METTL15: variants seen among roughly 807,000 people sequenced by gnomAD.
METTL15 encodes methyltransferase 15, mitochondrial 12S rRNA N4-cytidine, also known as 12S rRNA N(4)-cytidine methyltransferase METTL15.
In METTL15, 34 loss-of-function variants were observed where a neutral mutation model predicts 38.3. That is an observed-to-expected ratio of 0.89 (90% CI 0.68 to 1.18). The LOEUF is 1.18. Among genes scored for constraint, METTL15 ranks in the 50% most tolerant of loss-of-function variants. METTL15 has a pLI of 0.00. For synonymous variants in METTL15, 162 were observed against 170.9 expected, an observed-to-expected ratio of 0.95 and a Z score of 0.41; for missense variants, 438 against 498.4, an observed-to-expected ratio of 0.88 and a Z score of 1.15.
At chr11:28,178,097 A>G (rs1276587253) in intron 3 of METTL15, among the ~76,000 whole-genome samples, 5 of 151,842 alleles carry the variant, frequency 3.3e-5, no homozygotes, top group African/African-American at 4.8e-5. Flanking sequence ...TGGCTGCCCA[A>G]TTTGCATGAG....
chr11:28,458,825 AC>A (rs1851191685), intron 6 of METTL15, among the ~76,000 whole-genome samples: 1 of 152,222 alleles, frequency 6.6e-6, no homozygotes, highest in South Asian at 2.1e-4. Context: ...TAGTTGCAGG[AC>A]ATTTGGAGGA....
At chr11:28,314,195 A>T (rs192274766) in intron 6 of METTL15, among the ~76,000 whole-genome samples, 17 of 152,334 alleles carry the variant, frequency 1.1e-4, no homozygotes, top group Non-Finnish European at 2.1e-4. Context: ...GAGAAAAATG[A>T]TGAAAACACA....
At chr11:28,479,329 A>C (rs1224227284) in intron 6 of METTL15, among the ~76,000 whole-genome samples, 1 of 152,176 alleles carries the variant, frequency 6.6e-6, no homozygotes, top group Non-Finnish European at 1.5e-5. Flanking sequence ...AAGTTGAGGA[A>C]GAAGGACAGA....
intron 3 of METTL15, among the ~76,000 whole-genome samples, chr11:28,201,374 A>T (rs1437818547): frequency 6.6e-6 from 1 of 152,168 alleles, no homozygotes; most frequent in Non-Finnish European, 1.5e-5. Context: ...CTGTTTTGAT[A>T]TCAGGATGAT....
rs751919363 is a variant in METTL15, at chr11:28,215,318, G to C, written c.407+4120G>C. On this transcript the variant is annotated intron_variant, in intron 4 of 6. Transcript: ENST00000407364. ...TTTGAAGCTGGCTTTGGAGAAAAAA[G>C]GTTCTGGTTTCTATAGGGGAGGTTA... Among the ~76,000 whole-genome samples, 8 of 152,140 alleles carry C rather than the reference G, an allele frequency of 5.3e-5. No homozygotes were observed. The South Asian group carries it at 8.3e-4, about 16-fold the overall frequency.
rs571051049 is a variant in METTL15, at chr11:28,450,664, T to A, written c.*424+26300T>A. 1.2e-4 allele frequency among the ~76,000 whole-genome samples: 19 copies of A among 152,368 alleles called. No individual in the cohort carries two copies. In the South Asian group the frequency reaches 3.5e-3, roughly 28 times the overall value. On this transcript the variant is annotated intron_variant and NMD_transcript_variant, in intron 6 of 7. Coordinates refer to the METTL15 transcript ENST00000532947. ...TATTAATCTGGATTTAGTTTTGGGC[T>A]CCTTATTGGACTTTAGTGGATTCAG... is the stretch of plus-strand genomic sequence containing the variant.
At chr11:28,149,986 C>T (rs902764164) in intron 3 of METTL15, among the ~76,000 whole-genome samples, 6 of 151,906 alleles carry the variant, frequency 3.9e-5, no homozygotes, top group African/African-American at 9.7e-5. Flanking sequence ...ACACTCTCAG[C>T]AAACCCAGGG....
At chr11:28,392,205 A>G (rs1249023853) in intron 5 of METTL15, among the ~76,000 whole-genome samples, 1 of 152,192 alleles carries the variant, frequency 6.6e-6, no homozygotes, top group East Asian at 1.9e-4. Flanking sequence ...CAAAAGACAT[A>G]TGAAAAACAA....
At chr11:28,517,752 G>T (rs952460503) in intron 6 of METTL15, among the ~76,000 whole-genome samples, 1 of 152,148 alleles carries the variant, frequency 6.6e-6, no homozygotes. Flanking sequence ...AAAACAGCCC[G>T]CCACGGTTAC....
At chr11:28,433,342 A>C (rs1850952291) in intron 6 of METTL15, among the ~76,000 whole-genome samples, 2 of 152,212 alleles carry the variant, frequency 1.3e-5, no homozygotes, top group Admixed American at 1.3e-4. Context: ...CAAGTATCCC[A>C]ATAAGAGAGG....
chr11:28,303,042 T>G (rs1211695664), intron 6 of METTL15, among the ~76,000 whole-genome samples: 1 of 152,172 alleles, frequency 6.6e-6, no homozygotes, highest in Non-Finnish European at 1.5e-5. Flanking sequence ...AAAAATGAGA[T>G]AGATTCTAGA....
chr11:28,363,019 ATTG>A (rs1289424398), intron 5 of METTL15, among the ~76,000 whole-genome samples: 5 of 152,008 alleles, frequency 3.3e-5, no homozygotes, highest in East Asian at 1.9e-4. Context: ...ACCAACATCT[ATTG>A]TTGTTTGACT....
chr11:28,221,763 C>T (rs1296573644), intron 4 of METTL15, among the ~76,000 whole-genome samples: 3 of 152,078 alleles, frequency 2.0e-5, no homozygotes, highest in Non-Finnish European at 4.4e-5. Flanking sequence ...GTTAGTTTTC[C>T]TTCTAACAGT....
At chr11:28,417,300 G>A (rs1377296340) in intron 5 of METTL15, among the ~76,000 whole-genome samples, 3 of 152,106 alleles carry the variant, frequency 2.0e-5, no homozygotes, top group Non-Finnish European at 4.4e-5. Context: ...TCCATTGTTA[G>A]TATTTGCAAA....
chr11:28,223,590 G>C (rs1853342843), intron 4 of METTL15, among the ~76,000 whole-genome samples: 2 of 152,032 alleles, frequency 1.3e-5, no homozygotes, highest in Non-Finnish European at 1.5e-5. Flanking sequence ...TATTTATTTT[G>C]CTGTTATTCT....
intron 4 of METTL15, among the ~76,000 whole-genome samples, chr11:28,274,593 T>C (rs1855769625): frequency 6.6e-6 from 1 of 152,058 alleles, no homozygotes; most frequent in Non-Finnish European, 1.5e-5. Context: ...ATAAAAAATG[T>C]TCATTAATTT....
chr11:28,123,941 G>T, intron 3 of METTL15: 2 of 1,215,356 alleles, frequency 1.6e-6, no homozygotes, highest in Non-Finnish European at 2.2e-6. Context: ...ACACTGGGAA[G>T]AAGATTATTA....
At chr11:28,122,083 A>C in intron 3 of METTL15, 1 of 1,035,858 alleles carries the variant, frequency 9.7e-7, no homozygotes, top group Non-Finnish European at 1.2e-6. Flanking sequence ...TAAAACTGTA[A>C]TGTGTATTAA....
chr11:28,239,621 G>GT (rs1352185447), intron 4 of METTL15, among the ~76,000 whole-genome samples: 1 of 152,012 alleles, frequency 6.6e-6, no homozygotes, highest in East Asian at 1.9e-4. Flanking sequence ...GTTGACCCCT[G>GT]TTTTTTTACT....
Sources: allele counts gnomAD v4.1 joint callset (sites outside exome capture counted in the v4.1 genomes callset), GRCh38; gene constraint gnomAD v4.1.1; transcripts MANE v1.5; gene names NCBI Gene and HGNC (gene_info 2026-07-23, HGNC 2026-07-21).